MCTP1: variants seen among roughly 807,000 people sequenced by gnomAD.
MCTP1 encodes multiple C2 and transmembrane domain-containing protein 1.
A neutral mutation model predicts 120.6 loss-of-function variants in MCTP1; 69 were observed. The observed-to-expected ratio is 0.57, with a 90% confidence interval of 0.47 to 0.70. MCTP1 has a LOEUF of 0.70. Among genes scored for constraint, MCTP1 ranks in the 30% least tolerant of loss-of-function variants. The pLI is 0.00. For synonymous variants in MCTP1, 529 were observed against 493.1 expected, an observed-to-expected ratio of 1.07 and a Z score of -0.96; for missense variants, 1,203 against 1,248.8, an observed-to-expected ratio of 0.96 and a Z score of 0.55.
At chr5:95,194,421 A>G (rs1750159604) in intron 1 of MCTP1, among the ~76,000 whole-genome samples, 1 of 152,168 alleles carries the variant, frequency 6.6e-6, no homozygotes, top group Non-Finnish European at 1.5e-5. Context: ...CTGAAACTGT[A>G]TGAAAGAAAG....
At chr5:95,116,071 A>G (rs994427458) in intron 1 of MCTP1, among the ~76,000 whole-genome samples, 6 of 152,134 alleles carry the variant, frequency 3.9e-5, no homozygotes, top group African/African-American at 1.4e-4. Context: ...TCCTTCGAAC[A>G]CGAAGGAGAA....
chr5:94,776,361 G>A (rs1051477472), intron 19 of MCTP1, among the ~76,000 whole-genome samples: 3 of 152,002 alleles, frequency 2.0e-5, no homozygotes, highest in African/African-American at 7.2e-5. Flanking sequence ...GAAAACATAT[G>A]GATAGGCTTA....
At chr5:94,774,207 CAAAAAAAAAAAAAAA>C (rs70978130) in intron 19 of MCTP1, among the ~76,000 whole-genome samples, 11 of 4,180 alleles carry the variant, frequency 2.6e-3, no homozygotes, top group East Asian at 0.025. Context: ...GACTCCGTCT[CAAAAAAAAAAAAAAA>C]AAAAAAAAAA....
intron 3 of MCTP1, among the ~76,000 whole-genome samples, chr5:94,944,133 T>C (rs1161048492): frequency 6.6e-6 from 1 of 152,110 alleles, no homozygotes; most frequent in Non-Finnish European, 1.5e-5. Flanking sequence ...AAAAGATAAA[T>C]ACTTTGCATT....
intron 19 of MCTP1, among the ~76,000 whole-genome samples, chr5:94,721,547 A>C (rs1393907330): frequency 1.3e-5 from 2 of 152,186 alleles, no homozygotes; most frequent in East Asian, 1.9e-4. Context: ...ATGCTTTGGG[A>C]TAAAATTTTC....
rs1464460008 is a variant in MCTP1 at position 95,024,004 on chromosome 5, C to T, written c.721-6520G>A. 7.4e-6 allele frequency: 3 copies of T among 406,332 alleles called. No homozygotes were observed. In the East Asian group the frequency reaches 2.3e-4, roughly 31 times the overall value. 25.2% of individuals were successfully genotyped at this position (406,332 alleles called of 1,614,324 possible). A position where few individuals can be genotyped will look rare whatever the true frequency, so the allele number is the denominator to read the frequency against. On this transcript the variant is annotated intron_variant, in intron 1 of 22. Coordinates refer to ENST00000515393, the MANE Select transcript of MCTP1 (RefSeq NM_024717.7). ...CTTCGTCTATTTTGGACACTAGTTC[C>T]TTGTTGGATGTATGACTTGCAAATA...
intron 1 of MCTP1, among the ~76,000 whole-genome samples, chr5:95,178,141 T>A (rs888628034): frequency 4.3e-4 from 65 of 152,144 alleles, no homozygotes; most frequent in Non-Finnish European, 8.1e-4. Flanking sequence ...CCTGTGAACA[T>A]ACCTCCATTG....
chr5:95,146,332 C>T (rs1441108942), intron 1 of MCTP1, among the ~76,000 whole-genome samples: 1 of 152,140 alleles, frequency 6.6e-6, no homozygotes, highest in Non-Finnish European at 1.5e-5. Context: ...TTTCCAAGAA[C>T]TAACTCTTGC....
chr5:94,810,477 T>C (rs1783171235), intron 17 of MCTP1, among the ~76,000 whole-genome samples: 1 of 152,240 alleles, frequency 6.6e-6, no homozygotes, highest in Non-Finnish European at 1.5e-5. Context: ...GGGGGGAAAC[T>C]CCCTCTGTTC....
intron 6 of MCTP1, among the ~76,000 whole-genome samples, chr5:94,930,197 T>G (rs1302086522): frequency 1.3e-5 from 2 of 151,264 alleles, no homozygotes; most frequent in East Asian, 3.9e-4. Context: ...ATGTTATATA[T>G]TTTTACTTAA....
chr5:95,177,094 G>T (rs1442002848), intron 1 of MCTP1, among the ~76,000 whole-genome samples: 4 of 151,042 alleles, frequency 2.6e-5, no homozygotes, highest in Non-Finnish European at 5.9e-5. Context: ...TATATATTAG[G>T]GTTATCCGGA....
intron 17 of MCTP1, among the ~76,000 whole-genome samples, chr5:94,820,231 G>A (rs769980742): frequency 1.2e-3 from 181 of 152,118 alleles, no homozygotes; most frequent in Non-Finnish European, 1.4e-3. Flanking sequence ...AAAATAGCTC[G>A]AGATTAATCA....
intron 1 of MCTP1, among the ~76,000 whole-genome samples, chr5:95,019,934 A>G (rs1172092716): frequency 6.6e-6 from 1 of 152,130 alleles, no homozygotes; most frequent in East Asian, 1.9e-4. Flanking sequence ...AATAAGCAAG[A>G]TTTAAATTCA....
At chr5:95,207,363 A>G (rs1230175466) in intron 1 of MCTP1, among the ~76,000 whole-genome samples, 15 of 152,124 alleles carry the variant, frequency 9.9e-5, no homozygotes, top group Non-Finnish European at 2.2e-4. Context: ...TTTTGGAAAA[A>G]TTTTCTCCCC....
rs185330936 is a variant in MCTP1 at position 94,920,785 on chromosome 5, A to T, written c.1273-2812T>A. ...AATAAATAAATAAATAAATAAATAA[A>T]TAATAAAAAGTCAAAAACTCTTCTC... is the stretch of plus-strand genomic sequence containing the variant. On this transcript the variant is annotated intron_variant, in intron 7 of 22. Coordinates refer to ENST00000515393, the MANE Select transcript of MCTP1 (RefSeq NM_024717.7). Among the ~76,000 whole-genome samples, 744 of 147,408 alleles carry T rather than the reference A, an allele frequency of 5.0e-3. 9 individuals carry two copies. The highest frequency in any genetic ancestry group is 0.017 in the African/African-American group (696 of 40,338).
chr5:94,829,622 A>C (rs1788081452), intron 17 of MCTP1, among the ~76,000 whole-genome samples: 1 of 152,168 alleles, frequency 6.6e-6, no homozygotes, highest in African/African-American at 2.4e-5. Flanking sequence ...CAGGATGGGA[A>C]TAGAAGGAGA....
chr5:95,017,797 A>G (rs961514926), intron 1 of MCTP1, among the ~76,000 whole-genome samples: 1 of 152,144 alleles, frequency 6.6e-6, no homozygotes, highest in Admixed American at 6.6e-5. Context: ...ACATAGAAAT[A>G]CTGTCTGAAG....
At chr5:94,719,493 A>G (rs1461444232) in intron 19 of MCTP1, among the ~76,000 whole-genome samples, 1 of 152,240 alleles carries the variant, frequency 6.6e-6, no homozygotes, top group Non-Finnish European at 1.5e-5. Flanking sequence ...GACATAAAAA[A>G]GGAACTAGAT....
chr5:95,231,947 C>G (rs1451908894), intron 1 of MCTP1, among the ~76,000 whole-genome samples: 1 of 152,008 alleles, frequency 6.6e-6, no homozygotes, highest in Non-Finnish European at 1.5e-5. Flanking sequence ...GTGTTTTCAA[C>G]CTTAGTTCTT....
Sources: gnomAD v4.1 joint callset for allele counts (sites outside exome capture counted in the v4.1 genomes callset) on GRCh38, gnomAD v4.1.1 for gene constraint, MANE v1.5 for transcripts, NCBI Gene and HGNC (gene_info 2026-07-23, HGNC 2026-07-21) for gene names.